Variants in SHB observed in about 807,000 individuals in gnomAD.
The protein encoded by SHB is SH2 domain-containing adapter protein B.
SHB carries 20 observed loss-of-function variants against 52.3 expected under a neutral mutation model. The ratio of observed to expected loss-of-function variants is 0.38; its 90% CI spans 0.27 to 0.56. The LOEUF (loss-of-function observed/expected upper bound fraction) is 0.56. Among genes scored for constraint, SHB ranks in the 20% least tolerant of loss-of-function variants. The pLI is 0.71. For missense variants in SHB, 825 were observed against 723.3 expected, an observed-to-expected ratio of 1.14 and a Z score of -1.61; for synonymous variants, 397 against 316.5, an observed-to-expected ratio of 1.25 and a Z score of -2.70.
intron 1 of SHB, among the ~76,000 whole-genome samples, chr9:38,017,436 C>T (rs1821226524): frequency 1.3e-5 from 2 of 152,230 alleles, no homozygotes; most frequent in South Asian, 4.1e-4. Context: ...CCTTTGTCTG[C>T]CTGGTAAATG....
intron 1 of SHB, among the ~76,000 whole-genome samples, chr9:38,052,642 C>A (rs2118169788): frequency 6.6e-6 from 1 of 152,284 alleles, no homozygotes. Flanking sequence ...AGCTTAGAGC[C>A]TCCCCACCCC....
intron 5 of SHB, among the ~76,000 whole-genome samples, chr9:37,925,963 G>A (rs535484012): frequency 6.6e-6 from 1 of 152,174 alleles, no homozygotes; most frequent in Non-Finnish European, 1.5e-5. Flanking sequence ...ATCCCTGGGA[G>A]CACTGCCTCT....
At chr9:38,067,803 C>T in intron 1 of SHB, 126 bp downstream of exon 1, 2 of 1,090,880 alleles carry the variant, frequency 1.8e-6, no homozygotes, top group Non-Finnish European at 2.4e-6. Context: ...AGCAGCACGC[C>T]AGCCCCGACC....
In SHB at chr9:37,948,503, C is replaced by T. The variant is rs916563432; in HGVS notation, c.1346+132G>A. On this transcript the variant is annotated intron_variant, in intron 5 of 5. Transcript: ENST00000377707. Reference sequence around the variant, plus strand: ...GGAGAATAGGATCAAATTGAAAAACCCAGGCCTAAAATAACGTGTGCTGGC... The same window carrying T: ...GGAGAATAGGATCAAATTGAAAAACTCAGGCCTAAAATAACGTGTGCTGGC... The T allele has an allele frequency of 7.4e-6, 8 of 1,077,236 alleles. 1 individual carries two copies. Among genetic ancestry groups the T allele is most frequent in the South Asian group, 7.3e-5 (5 of 68,926 alleles). The allele number at this position is 1,077,236 out of a possible 1,614,324, so 66.7% of individuals were successfully genotyped here. A position where few individuals can be genotyped will look rare whatever the true frequency, so the allele number is the denominator to read the frequency against.
intron 2 of SHB, among the ~76,000 whole-genome samples, chr9:38,003,516 G>A (rs2381770): frequency 0.068 from 10,387 of 152,188 alleles, 442 homozygotes; most frequent in Middle Eastern, 0.15. Flanking sequence ...ACATCCCAGT[G>A]GACAGCCCTC....
intron 3 of SHB, among the ~76,000 whole-genome samples, chr9:37,969,632 C>T (rs369733037): frequency 6.6e-6 from 1 of 152,180 alleles, no homozygotes; most frequent in Non-Finnish European, 1.5e-5. Flanking sequence ...CCACCTCCAC[C>T]GAGGTCTGCT....
chr9:38,026,966 G>A lies in SHB; in HGVS notation c.718-10835C>T, dbSNP rs58331236. On this transcript the variant is annotated intron_variant, in intron 1 of 5. Coordinates refer to ENST00000377707, the MANE Select transcript of SHB (RefSeq NM_003028.3). ...GCTTCCAGGTCCCCAGGGGAGATGG[G>A]CATTATTCAGTTCACCTCCCCAAGG... is the stretch of plus-strand genomic sequence containing the variant. Among the ~76,000 whole-genome samples the A allele has an allele frequency of 5.7e-3, 875 of 152,324 alleles. 8 individuals carry two copies. Among genetic ancestry groups the A allele is most frequent in the African/African-American group, 0.019 (808 of 41,576 alleles).
intron 2 of SHB, among the ~76,000 whole-genome samples, chr9:37,992,282 T>G (rs918493179): frequency 1.3e-5 from 2 of 151,880 alleles, no homozygotes; most frequent in Admixed American, 1.3e-4. Flanking sequence ...TCGCCTGTAG[T>G]CCCAGCTACT....
At chr9:38,013,988 C>T (rs1326514499) in intron 2 of SHB, among the ~76,000 whole-genome samples, 1 of 152,184 alleles carries the variant, frequency 6.6e-6, no homozygotes, top group Non-Finnish European at 1.5e-5. Flanking sequence ...AGCATGGAGT[C>T]TGGTCCCTGG....
At chr9:38,050,470 T>C (rs976875018) in intron 1 of SHB, among the ~76,000 whole-genome samples, 32 of 152,310 alleles carry the variant, frequency 2.1e-4, no homozygotes, top group African/African-American at 7.5e-4. Context: ...CAGGCCTCCT[T>C]CTGCAAGGGA....
At chr9:37,975,633 T>C (rs1405128842) in intron 2 of SHB, among the ~76,000 whole-genome samples, 2 of 152,208 alleles carry the variant, frequency 1.3e-5, no homozygotes, top group Non-Finnish European at 2.9e-5. Context: ...GAAGGATGGA[T>C]GCTAGGATGC....
intron 3 of SHB, among the ~76,000 whole-genome samples, chr9:37,959,541 C>T (rs1832671706): frequency 6.6e-6 from 1 of 152,134 alleles, no homozygotes. Flanking sequence ...TCCTGGGGCT[C>T]CACTGGCTAA....
In SHB at chr9:38,067,974, G is replaced by T; in HGVS notation, c.672C>A (p.Cys224Ter). 6.4e-7 allele frequency: 1 copy of T among 1,552,568 alleles called. No individual in the cohort carries two copies. The highest frequency in any genetic ancestry group is 1.8e-5 in the Admixed American group (1 of 54,186). The part of the protein sequence containing the change: ...ACGGKKLLNK[C>*]AASAAEESGA... The stretch of plus-strand genomic sequence containing the variant: ...CGCTCTCCTCCGCGGCTGAGGCGGC[G>T]CACTTGTTGAGCAGTTTCTTGCCTC... The change falls in exon 1 of 6, where the codon TGC (cysteine) becomes TGA (stop). Residue 224 changes from cysteine to a stop codon, truncating the protein, a stop_gained. Transcript: ENST00000377707. LOFTEE classifies it high-confidence loss of function.
In SHB at chr9:38,069,110, G is replaced by A. The variant is rs1414628747; in HGVS notation, c.-465C>T. On this transcript the variant is annotated 5_prime_UTR_variant, in exon 1 of 6. Transcript: ENST00000377707. ...TTCCTGCGAGCGCTGGGGAGAGCTC[G>A]GCCCCGCAGCGGAGGAGAATGCGGC... is the stretch of plus-strand genomic sequence containing the variant. 6.6e-6 allele frequency: 1 copy of A among 151,740 alleles called. No homozygotes were observed. Among genetic ancestry groups the A allele is most frequent in the Non-Finnish European group, 1.5e-5 (1 of 67,898 alleles). 9.4% of individuals were successfully genotyped at this position (151,740 alleles called of 1,614,324 possible). A position where few individuals can be genotyped will look rare whatever the true frequency, so the allele number is the denominator to read the frequency against.
chr9:38,056,920 C>G (rs1005165355), intron 1 of SHB, among the ~76,000 whole-genome samples: 3 of 152,166 alleles, frequency 2.0e-5, no homozygotes, highest in African/African-American at 7.2e-5. Context: ...CACATTTGCA[C>G]CAGGAATCCA....
At chr9:38,025,081 C>T (rs1821323665) in intron 1 of SHB, among the ~76,000 whole-genome samples, 1 of 152,298 alleles carries the variant, frequency 6.6e-6, no homozygotes, top group South Asian at 2.1e-4. Context: ...TTCTTCAATG[C>T]CTATACCACT....
chr9:38,062,263 C>T lies in SHB; in HGVS notation c.717+5666G>A, dbSNP rs1053215215. On this transcript the variant is annotated intron_variant, in intron 1 of 5. Coordinates refer to ENST00000377707, the MANE Select transcript of SHB (RefSeq NM_003028.3). ...GCTCTATCACTTTGCAGCTGTGTGA[C>T]ATTAGGCAAGTCATCAACCTCTCTA... 2.0e-5 allele frequency among the ~76,000 whole-genome samples: 3 copies of T among 152,210 alleles called. No homozygotes were observed. The East Asian group carries it at 5.8e-4, about 29-fold the overall frequency.
In SHB at chr9:38,069,205, C is replaced by T. The variant is rs1822026678; in HGVS notation, c.-560G>A. 1.3e-5 allele frequency: 2 copies of T among 149,652 alleles called. No homozygotes were observed. Among genetic ancestry groups the T allele is most frequent in the African/African-American group, 4.9e-5 (2 of 40,726 alleles). 9.3% of individuals were successfully genotyped at this position (149,652 alleles called of 1,614,324 possible). On this transcript the variant is annotated 5_prime_UTR_variant, in exon 1 of 6. Coordinates refer to ENST00000377707, the MANE Select transcript of SHB (RefSeq NM_003028.3). Reference sequence around the variant, plus strand: ...GGAGCCCGCGCGCCCGTGCCCGTCCCGGCGGCGCCTGTCGCTGCCACTGCC... The same window carrying T: ...GGAGCCCGCGCGCCCGTGCCCGTCCTGGCGGCGCCTGTCGCTGCCACTGCC...
At position 37,953,992 on chromosome 9, in the gene SHB, G is replaced by C. The variant is rs544531429; in HGVS notation, c.1226+1891C>G. The stretch of plus-strand genomic sequence containing the variant: ...AGAGAGCCCAACCCTCCCACCTTGA[G>C]ATGAAGGCTGAGTCTGGGGGTGGGA... On this transcript the variant is annotated intron_variant, in intron 4 of 5. Transcript: ENST00000377707. Among the ~76,000 whole-genome samples, 8 of 152,336 alleles carry C rather than the reference G, an allele frequency of 5.3e-5. No individual in the cohort carries two copies. In the East Asian group the frequency reaches 1.4e-3, roughly 26 times the overall value.
Sources: gnomAD v4.1 joint callset for allele counts (sites outside exome capture counted in the v4.1 genomes callset) on GRCh38, gnomAD v4.1.1 for gene constraint, MANE v1.5 for transcripts, NCBI Gene and HGNC (gene_info 2026-07-23, HGNC 2026-07-21) for gene names.